Variants in MUC7 observed in about 807,000 individuals in gnomAD.
The protein encoded by MUC7 is mucin 7, secreted.
MUC7 carries 2 observed loss-of-function variants against 2.5 expected under a neutral mutation model. That is an observed-to-expected ratio of 0.81 (90% CI 0.33 to 2.55). The LOEUF is 2.55. Ranked by LOEUF, MUC7 falls within the 30% of genes most tolerant of loss-of-function variation. The probability of loss-of-function intolerance (pLI) is 0.11; values close to 1 mark genes in which losing one functional copy is unlikely to be tolerated. For missense variants in MUC7, 408 were observed against 455.6 expected (o/e 0.90, Z 0.95); for synonymous variants, 133 against 173.4 (o/e 0.77, Z 1.83).
intron 1 of MUC7, among the ~76,000 whole-genome samples, chr4:70,438,907 T>A (rs530464195): frequency 6.6e-6 from 1 of 152,216 alleles, no homozygotes; most frequent in African/African-American, 2.4e-5. Context: ...GATTTATGCA[T>A]TCAACATACA....
At position 70,466,050 on chromosome 4, in the gene MUC7, C is replaced by T. The variant is rs567106357; in HGVS notation, c.-92-6165C>T. Among the ~76,000 whole-genome samples the T allele has an allele frequency of 4.3e-4, 66 of 152,256 alleles. 2 individuals carry two copies. In the South Asian group the frequency reaches 0.011, roughly 24 times the overall value. Reference sequence around the variant, plus strand: ...GCCCATCAAACTAACATAAGACTAGCAGAGGACCTCTCTGCAGAAACCCTG... The same window carrying T: ...GCCCATCAAACTAACATAAGACTAGTAGAGGACCTCTCTGCAGAAACCCTG... On this transcript the variant is annotated intron_variant, in intron 1 of 3. Coordinates refer to the MUC7 transcript ENST00000413702.
chr4:70,437,587 A>G (rs944863572), intron 1 of MUC7, among the ~76,000 whole-genome samples: 17 of 152,164 alleles, frequency 1.1e-4, no homozygotes, highest in Admixed American at 5.2e-4. Flanking sequence ...AAAGTGCAGT[A>G]TTTGTGCAGG....
intron 1 of MUC7, among the ~76,000 whole-genome samples, chr4:70,452,831 T>C (rs538078473): frequency 2.1e-4 from 32 of 152,334 alleles, no homozygotes; most frequent in African/African-American, 7.7e-4. Flanking sequence ...TGTCCTTTTC[T>C]TTCAGATCAA....
chr4:70,434,865 C>A (rs1374645562), intron 1 of MUC7, among the ~76,000 whole-genome samples: 1 of 152,120 alleles, frequency 6.6e-6, no homozygotes, highest in Non-Finnish European at 1.5e-5. Context: ...TTTCCCTCTA[C>A]ACACTGCTTT....
At chr4:70,439,319 G>A (rs1434107090) in intron 1 of MUC7, among the ~76,000 whole-genome samples, 1 of 152,166 alleles carries the variant, frequency 6.6e-6, no homozygotes, top group South Asian at 2.1e-4. Context: ...GTACGAGCTG[G>A]TTCCTTTAGC....
intron 1 of MUC7, among the ~76,000 whole-genome samples, chr4:70,435,160 G>A (rs1192859730): frequency 1.3e-5 from 2 of 152,196 alleles, no homozygotes; most frequent in Non-Finnish European, 2.9e-5. Flanking sequence ...GTGTGAAATG[G>A]TGCTGAGAAG....
At chr4:70,476,310 A>G (rs1022556285) in intron 2 of MUC7, among the ~76,000 whole-genome samples, 1 of 152,250 alleles carries the variant, frequency 6.6e-6, no homozygotes, top group Non-Finnish European at 1.5e-5. Context: ...ATTGAAAGAA[A>G]TAATTTTCCA....
At chr4:70,468,312 CA>C (rs1044949519), upstream of MUC7, among the ~76,000 whole-genome samples, 140 of 152,262 alleles carry the variant, frequency 9.2e-4, 1 homozygote, top group African/African-American at 3.1e-3. Context: ...ACTGAATGGG[CA>C]AAAGCTGGAA....
Position 70,482,491 on chromosome 4 carries a change from C to T in MUC7, c.*613C>T, listed in dbSNP as rs1735229004. 1 of 152,450 alleles carries T rather than the reference C, an allele frequency of 6.6e-6. No individual in the cohort carries two copies. Among genetic ancestry groups the T allele is most frequent in the Non-Finnish European group, 1.5e-5 (1 of 68,236 alleles). 9.4% of individuals were successfully genotyped at this position (152,450 alleles called of 1,614,324 possible). On this transcript the variant is annotated 3_prime_UTR_variant, in exon 3 of 3. Transcript: ENST00000304887. ...TGAAGTGAGGATTAGAAGTGAATGA[C>T]AATAAAGTCTGTCAGCCAAGCACGA...
At chr4:70,468,904 C>A (rs1024431178), upstream of MUC7, among the ~76,000 whole-genome samples, 1 of 151,980 alleles carries the variant, frequency 6.6e-6, no homozygotes, top group African/African-American at 2.4e-5. Context: ...TAGAAAAAAA[C>A]CACTTAAATG....
At chr4:70,449,930 G>T (rs1817783) in intron 1 of MUC7, among the ~76,000 whole-genome samples, 53,463 of 152,072 alleles carry the variant, frequency 0.35, 10,085 homozygotes, top group Admixed American at 0.44. Context: ...TCTTGCCCAA[G>T]GCCTGCTCTA....
At chr4:70,452,693 A>G (rs1011423497) in intron 1 of MUC7, among the ~76,000 whole-genome samples, 3 of 152,178 alleles carry the variant, frequency 2.0e-5, no homozygotes, top group African/African-American at 7.2e-5. Flanking sequence ...TCATCTTTTC[A>G]TCTTTCCATT....
chr4:70,468,953 A>T (rs1734756879), upstream of MUC7, among the ~76,000 whole-genome samples: 1 of 152,230 alleles, frequency 6.6e-6, no homozygotes, highest in Admixed American at 6.5e-5. Context: ...AGCCAAGACA[A>T]TCATAAGCAA....
At chr4:70,442,697 A>G (rs1409883377) in intron 1 of MUC7, among the ~76,000 whole-genome samples, 1 of 152,216 alleles carries the variant, frequency 6.6e-6, no homozygotes, top group African/African-American at 2.4e-5. Flanking sequence ...TCTAAACTTC[A>G]AGACCCAGAT....
At chr4:70,471,471 G>T (rs1353141932), upstream of MUC7, among the ~76,000 whole-genome samples, 5 of 152,176 alleles carry the variant, frequency 3.3e-5, no homozygotes, top group African/African-American at 9.7e-5. Flanking sequence ...TGATGGTGTT[G>T]TGTTATAAAA....
chr4:70,450,328 C>G (rs1734250024), intron 1 of MUC7, among the ~76,000 whole-genome samples: 4 of 152,122 alleles, frequency 2.6e-5, no homozygotes. Flanking sequence ...TGGGACTCAC[C>G]CTTCAGGACA....
At chr4:70,445,765 T>C (rs1047736733) in intron 1 of MUC7, among the ~76,000 whole-genome samples, 4 of 152,164 alleles carry the variant, frequency 2.6e-5, no homozygotes, top group African/African-American at 4.8e-5. Context: ...AAGGTATTAG[T>C]TGAGGGAATG....
intron 1 of MUC7, among the ~76,000 whole-genome samples, chr4:70,463,977 C>G (rs1387275152): frequency 2.0e-5 from 3 of 151,080 alleles, no homozygotes; most frequent in Non-Finnish European, 4.4e-5. Context: ...CAAATAGGAA[C>G]AGCTCCAGTC....
intron 1 of MUC7, among the ~76,000 whole-genome samples, chr4:70,434,190 G>C (rs1311311916): frequency 3.3e-5 from 5 of 151,970 alleles, no homozygotes; most frequent in Admixed American, 3.3e-4. Flanking sequence ...AACTTTTTTT[G>C]TTGTGTCTCT....
Sources: allele counts gnomAD v4.1 joint callset (sites outside exome capture counted in the v4.1 genomes callset), GRCh38; gene constraint gnomAD v4.1.1; transcripts MANE v1.5; gene names NCBI Gene and HGNC (gene_info 2026-07-23, HGNC 2026-07-21).